Variants in DENND2C observed in about 807,000 individuals in gnomAD.
DENND2C encodes DENN domain-containing protein 2C.
A neutral mutation model predicts 112.4 loss-of-function variants in DENND2C; 72 were observed. The observed-to-expected ratio is 0.64, with a 90% CI of 0.53 to 0.78. The LOEUF (loss-of-function observed/expected upper bound fraction) is 0.78, where lower values mean the gene tolerates loss of function less well. DENND2C is among the 30% of genes least tolerant of loss of function. The probability of loss-of-function intolerance (pLI) is 0.00; values close to 1 mark genes in which losing one functional copy is unlikely to be tolerated. For missense variants in DENND2C, 992 were observed against 1,113.8 expected (o/e 0.89, Z 1.56); for synonymous variants, 329 against 381.6 (o/e 0.86, Z 1.61).
intron 4 of DENND2C, 106 bp downstream of exon 4, chr1:114,625,073 C>T (rs1338662183): frequency 7.2e-6 from 8 of 1,116,208 alleles, no homozygotes; most frequent in Admixed American, 5.8e-5. Context: ...AAAGCAGGGG[C>T]ATCACCTAAG....
intron 7 of DENND2C, among the ~76,000 whole-genome samples, chr1:114,619,492 A>G (rs1031539033): frequency 6.6e-6 from 1 of 152,182 alleles, no homozygotes; most frequent in African/African-American, 2.4e-5. Context: ...GCAATGAATC[A>G]GTCCAGTGCA....
intron 1 of DENND2C, among the ~76,000 whole-genome samples, chr1:114,657,257 T>C (rs773836082): frequency 6.7e-6 from 1 of 148,634 alleles, no homozygotes; most frequent in Non-Finnish European, 1.5e-5. Flanking sequence ...TTTTTTTCTT[T>C]TGTTTGTTTG....
rs770049267 is a variant in DENND2C, at chr1:114,625,212, T to C, written c.773A>G (p.Lys258Arg). The change falls in exon 4 of 21, where the codon AAA becomes AGA. Residue 258 changes from lysine to arginine, a missense_variant. By Grantham distance (26) the Lys-to-Arg change is conservative (BLOSUM62 2). Around this residue, in one of 3 missense-constraint regions of DENND2C, gnomAD observed 470 missense variants for 472.7 expected, o/e 0.99. Coordinates refer to ENST00000393274, the MANE Select transcript of DENND2C (RefSeq NM_001256404.2). ...LASSQEPEPKKYGGKIRGRSK... is the reference protein window; with the variant it reads ...LASSQEPEPKRYGGKIRGRSK... ...TCTTCCTCTGATTTTTCCACCATATTTCTTTGGTTCAGGTTCCTGAGAAGA... is the reference window on the plus strand; with the variant it reads ...TCTTCCTCTGATTTTTCCACCATATCTCTTTGGTTCAGGTTCCTGAGAAGA... 4 of 1,610,106 alleles carry C rather than the reference T, an allele frequency of 2.5e-6. No homozygotes were observed. The highest frequency in any genetic ancestry group is 2.5e-6 in the Non-Finnish European group (3 of 1,179,152).
At chr1:114,666,735 GAGCC>G (rs1265087095) in intron 1 of DENND2C, among the ~76,000 whole-genome samples, 1 of 152,170 alleles carries the variant, frequency 6.6e-6, no homozygotes, top group Non-Finnish European at 1.5e-5. Context: ...TTACAGGCAT[GAGCC>G]ACCACGCCTG....
chr1:114,600,954 C>T lies in DENND2C; in HGVS notation c.1822G>A (p.Asp608Asn), dbSNP rs1655488351. 1.9e-6 allele frequency: 3 copies of T among 1,612,564 alleles called. No individual in the cohort carries two copies. In the East Asian group the frequency reaches 6.7e-5, roughly 36 times the overall value. Reference sequence around the variant, plus strand: ...ATTTCTCTTCTCTTCTCTACTTCATCCAGAATCTATATACGCAAAGTGTTA... The same window carrying T: ...ATTTCTCTTCTCTTCTCTACTTCATTCAGAATCTATATACGCAAAGTGTTA... Reference protein sequence around the residue: ...GCFNLFSKILDEVEKRREMSP... With the variant: ...GCFNLFSKILNEVEKRREMSP... The change falls in exon 14 of 21, where the codon GAT becomes AAT. Residue 608 changes from aspartate to asparagine, a missense_variant. By Grantham distance (23) the Asp-to-Asn change is conservative (BLOSUM62 1). Coordinates refer to ENST00000393274, the MANE Select transcript of DENND2C (RefSeq NM_001256404.2).
Position 114,625,227 on chromosome 1 carries a change from T to A in DENND2C, c.758A>T (p.Glu253Val). ...TCCACCATATTTCTTTGGTTCAGGT[T>A]CCTGAGAAGAGGCCAAAGAAGATTG... ...CAQSSLASSQEPEPKKYGGKI... is the reference protein window; with the variant it reads ...CAQSSLASSQVPEPKKYGGKI... Residue 253 changes from glutamate (E) to valine (V), a missense_variant, in exon 4 of 21, where the codon GAA (glutamate) becomes GTA (valine). Physicochemically the swap from Glu to Val is moderately radical, Grantham distance 121 (BLOSUM62 -2). This residue lies in a region of DENND2C where 470 missense variants were observed against 472.7 expected (regional missense o/e 0.99). Coordinates refer to ENST00000393274, the MANE Select transcript of DENND2C (RefSeq NM_001256404.2). The A allele has an allele frequency of 1.2e-6, 2 of 1,612,982 alleles. No individual in the cohort carries two copies. Among genetic ancestry groups the A allele is most frequent in the South Asian group, 2.2e-5 (2 of 90,888 alleles).
chr1:114,600,183 C>T, intron 15 of DENND2C, 21 bp downstream of exon 15: 1 of 1,604,718 alleles, frequency 6.2e-7, no homozygotes, highest in Middle Eastern at 1.7e-4. Context: ...TGTGAAGTAA[C>T]ATATTTCACT....
chr1:114,648,427 A>G (rs773551274), intron 2 of DENND2C, among the ~76,000 whole-genome samples: 7 of 152,218 alleles, frequency 4.6e-5, no homozygotes, highest in African/African-American at 7.2e-5. Flanking sequence ...ATATTCTAAG[A>G]AAAGTGCAAG....
At chr1:114,628,353 CTG>C (rs1656401251) in intron 3 of DENND2C, among the ~76,000 whole-genome samples, 1 of 149,936 alleles carries the variant, frequency 6.7e-6, no homozygotes, top group Admixed American at 6.6e-5. Flanking sequence ...AGTCAAATGA[CTG>C]GCAACAAATG....
intron 1 of DENND2C, among the ~76,000 whole-genome samples, chr1:114,667,655 CTT>C (rs1657680913): frequency 6.6e-6 from 1 of 152,084 alleles, no homozygotes; most frequent in Non-Finnish European, 1.5e-5. Flanking sequence ...ATTTTTTCCT[CTT>C]TCTTTCCTTC....
intron 20 of DENND2C, 135 bp from the exon 21 acceptor site, chr1:114,585,766 G>A: frequency 1.2e-6 from 1 of 844,512 alleles, no homozygotes; most frequent in Non-Finnish European, 1.9e-6. Context: ...CAGTTGATGT[G>A]TTTAACCCCC....
At chr1:114,656,599 T>C (rs1309162793) in intron 1 of DENND2C, among the ~76,000 whole-genome samples, 2 of 151,980 alleles carry the variant, frequency 1.3e-5, no homozygotes, top group African/African-American at 4.8e-5. Flanking sequence ...AGTTTCACCG[T>C]GTTGGCCAGG....
At chr1:114,602,661 T>C (rs777418182) in intron 11 of DENND2C, among the ~76,000 whole-genome samples, 13 of 152,040 alleles carry the variant, frequency 8.6e-5, no homozygotes, top group Middle Eastern at 6.8e-3. Flanking sequence ...CTCCTGGGGC[T>C]CAAGTGATCC....
At chr1:114,660,030 A>T (rs1254507674) in intron 1 of DENND2C, among the ~76,000 whole-genome samples, 1 of 152,110 alleles carries the variant, frequency 6.6e-6, no homozygotes, top group African/African-American at 2.4e-5. Context: ...GGCTCAAGTG[A>T]TACTCCAGCC....
chr1:114,652,414 T>C (rs1428351940), intron 2 of DENND2C, among the ~76,000 whole-genome samples: 1 of 152,088 alleles, frequency 6.6e-6, no homozygotes, highest in African/African-American at 2.4e-5. Flanking sequence ...CAGCCCCCTT[T>C]TCTCAAATGG....
intron 3 of DENND2C, among the ~76,000 whole-genome samples, chr1:114,637,847 A>G (rs753218764): frequency 2.6e-5 from 4 of 152,142 alleles, no homozygotes; most frequent in African/African-American, 4.8e-5. Flanking sequence ...ATAAAAAATT[A>G]TCTCAAAATT....
intron 1 of DENND2C, among the ~76,000 whole-genome samples, chr1:114,655,769 C>G (rs1657288177): frequency 6.6e-6 from 1 of 151,706 alleles, no homozygotes. Flanking sequence ...TAGGCATGAG[C>G]CACTGTGCCC....
chr1:114,615,491 G>A (rs1191138828), intron 8 of DENND2C, among the ~76,000 whole-genome samples: 1 of 152,098 alleles, frequency 6.6e-6, no homozygotes, highest in East Asian at 1.9e-4. Context: ...CTACCTCCTA[G>A]TGTTGTCATA....
At chr1:114,618,555 T>C (rs1656067210) in intron 7 of DENND2C, 73 bp from the exon 8 acceptor site, 1 of 822,886 alleles carries the variant, frequency 1.2e-6, no homozygotes, top group South Asian at 2.1e-5. Context: ...CATTAATCTA[T>C]TAGGGATTCT....
Sources: allele counts gnomAD v4.1 joint callset (sites outside exome capture counted in the v4.1 genomes callset), GRCh38; gene constraint gnomAD v4.1.1; regional missense constraint gnomAD v4.1.1; transcripts MANE v1.5; gene names NCBI Gene and HGNC (gene_info 2026-07-23, HGNC 2026-07-21).